Variants in APBA2 observed in about 807,000 individuals in gnomAD.
APBA2 encodes the protein amyloid-beta A4 precursor protein-binding family A member 2.
In APBA2, 30 loss-of-function variants were observed where a neutral mutation model predicts 75.0. The ratio of observed to expected loss-of-function variants is 0.40; its 90% confidence interval spans 0.30 to 0.54. The LOEUF is 0.54. APBA2 is among the 20% of genes least tolerant of loss of function. The pLI is 0.49. For synonymous variants in APBA2, 444 were observed against 409.6 expected, an observed-to-expected ratio of 1.08 and a Z score of -1.01; for missense variants, 801 against 1,016.1, an observed-to-expected ratio of 0.79 and a Z score of 2.88.
At chr15:29,009,949 G>A (rs753929919) in intron 3 of APBA2, among the ~76,000 whole-genome samples, 5 of 152,064 alleles carry the variant, frequency 3.3e-5, no homozygotes, top group African/African-American at 1.2e-4. Flanking sequence ...ACAGGGTCTG[G>A]GTATGTTTCT....
chr15:28,958,350 C>T (rs893695332), intron 2 of APBA2, among the ~76,000 whole-genome samples: 3 of 152,224 alleles, frequency 2.0e-5, no homozygotes, highest in Non-Finnish European at 2.9e-5. Context: ...GGCCCTGTGG[C>T]GTGGGAGCTG....
At chr15:29,060,602 T>C (rs2152900900) in intron 4 of APBA2, among the ~76,000 whole-genome samples, 1 of 152,200 alleles carries the variant, frequency 6.6e-6, no homozygotes, top group Admixed American at 6.5e-5. Flanking sequence ...TCTCAGTGAG[T>C]GGGATACGGT....
rs1555399868 is a variant in APBA2 at position 29,045,069 on chromosome 15, T to TTCTCTCTC, written c.-40-8749_-40-8742dup. 2.6e-3 allele frequency among the ~76,000 whole-genome samples: 215 copies of TTCTCTCTC among 82,880 alleles called. 5 individuals carry two copies. The highest frequency in any genetic ancestry group is 0.023 in the East Asian group (46 of 2,010). The allele number at this position is 82,880 out of a possible 152,430, so 54.4% of individuals were successfully genotyped here. A position where few individuals can be genotyped will look rare whatever the true frequency, so the allele number is the denominator to read the frequency against. Reference sequence around the variant, plus strand: ...CCTTCCTCTCTCCCTCCCTCCCTCCTTCTCTCTCTCTCTCTCTCTCTCTCT... The same window carrying TTCTCTCTC: ...CCTTCCTCTCTCCCTCCCTCCCTCCTTCTCTCTCTCTCTCTCTCTCTCTCTCTCTCTCT... On this transcript the variant is annotated intron_variant, in intron 3 of 14. Coordinates refer to ENST00000683413, the MANE Select transcript of APBA2 (RefSeq NM_001353788.2).
In APBA2 at chr15:28,911,726, C is replaced by T. The variant is rs189864850; in HGVS notation, c.-204-9914C>T. Among the ~76,000 whole-genome samples, 16 of 152,324 alleles carry T rather than the reference C, an allele frequency of 1.1e-4. 1 individual carries two copies. The South Asian group carries it at 3.1e-3, about 30-fold the overall frequency. On this transcript the variant is annotated intron_variant, in intron 1 of 14. Transcript: ENST00000683413. ...ACCGTGGCCTTGTAGGACAGTCCCC[C>T]CTTGGCTGTGCTGAGCCCATCTGGA...
rs752335797 is a variant in APBA2, at chr15:28,996,585, C to T, written c.-41+779C>T. Among the ~76,000 whole-genome samples, 13 of 152,164 alleles carry T rather than the reference C, an allele frequency of 8.5e-5. No individual in the cohort carries two copies. In the East Asian group the frequency reaches 1.7e-3, roughly 20 times the overall value. The stretch of plus-strand genomic sequence containing the variant: ...CTGTGGCTGGAGACACACAAGGCAG[C>T]GGCTTTGTAGGGAAACTGGTGTACA... On this transcript the variant is annotated intron_variant, in intron 3 of 14. Transcript: ENST00000683413.
At chr15:28,993,203 A>C (rs74801973) in intron 2 of APBA2, among the ~76,000 whole-genome samples, 12,173 of 152,224 alleles carry the variant, frequency 0.08, 664 homozygotes, top group East Asian at 0.27. Context: ...GCCCCCAGGG[A>C]CTTCCCGGCT....
intron 3 of APBA2, among the ~76,000 whole-genome samples, chr15:29,042,865 C>A (rs1446838485): frequency 6.6e-6 from 1 of 152,090 alleles, no homozygotes. Flanking sequence ...GTCCTGGCAG[C>A]TGCAGAAGCT....
chr15:28,999,513 T>C (rs904558613), intron 3 of APBA2, among the ~76,000 whole-genome samples: 3 of 152,214 alleles, frequency 2.0e-5, no homozygotes, highest in Admixed American at 1.3e-4. Context: ...CCATGAGATG[T>C]TGGCAAATTA....
chr15:28,977,605 T>G (rs1401862982), intron 2 of APBA2: 1 of 152,240 alleles, frequency 6.6e-6, no homozygotes, highest in Non-Finnish European at 1.5e-5. Flanking sequence ...CATGCTCAGC[T>G]GCTAGGGTGC....
rs974979436 is a variant in APBA2 at position 28,991,490 on chromosome 15, G to C, written c.-94-4263G>C. ...GCTCTGCCAGCTGCCCGGCCCCACTGTGAGGCCGCCCCTTGCAGGTGAGTT... is the reference window on the plus strand; with the variant it reads ...GCTCTGCCAGCTGCCCGGCCCCACTCTGAGGCCGCCCCTTGCAGGTGAGTT... On this transcript the variant is annotated intron_variant, in intron 2 of 14. Transcript: ENST00000683413. The surrounding 1 kb of genome is among the most constrained non-coding windows in gnomAD (Gnocchi z 4.7). 6.6e-6 allele frequency among the ~76,000 whole-genome samples: 1 copy of C among 152,200 alleles called. No individual in the cohort carries two copies. Among genetic ancestry groups the C allele is most frequent in the African/African-American group, 2.4e-5 (1 of 41,450 alleles).
chr15:28,994,672 C>G (rs2038415256), intron 2 of APBA2, among the ~76,000 whole-genome samples: 1 of 152,188 alleles, frequency 6.6e-6, no homozygotes, highest in Non-Finnish European at 1.5e-5. Flanking sequence ...AATTATAACC[C>G]TCTGCTAGGG....
chr15:28,902,817 C>A (rs1460321768), intron 1 of APBA2, among the ~76,000 whole-genome samples: 1 of 152,160 alleles, frequency 6.6e-6, no homozygotes, highest in Non-Finnish European at 1.5e-5. Context: ...CCTCACTGTT[C>A]CCCCATCTGT....
intron 2 of APBA2, among the ~76,000 whole-genome samples, chr15:28,948,751 G>A (rs755446228): frequency 4.6e-5 from 7 of 152,182 alleles, no homozygotes; most frequent in Non-Finnish European, 8.8e-5. Flanking sequence ...TTAGGGCCTT[G>A]CGGCGGCATC....
chr15:28,942,385 G>T (rs1010880896), intron 2 of APBA2, among the ~76,000 whole-genome samples: 2 of 152,196 alleles, frequency 1.3e-5, no homozygotes, highest in Admixed American at 1.3e-4. Context: ...GAGTTCTGTT[G>T]TTGGCTGTGA....
chr15:29,013,413 G>C (rs1294557690), intron 3 of APBA2, among the ~76,000 whole-genome samples: 1 of 151,774 alleles, frequency 6.6e-6, no homozygotes, highest in Non-Finnish European at 1.5e-5. Context: ...CCAAGTAGCT[G>C]GGACTACAGG....
At chr15:29,112,453 T>G (rs935741165) in intron 13 of APBA2, among the ~76,000 whole-genome samples, 1 of 152,196 alleles carries the variant, frequency 6.6e-6, no homozygotes, top group African/African-American at 2.4e-5. Context: ...TGTGTCTGCA[T>G]GTGTGTGTAC....
intron 2 of APBA2, among the ~76,000 whole-genome samples, chr15:28,955,332 C>T (rs1218732858): frequency 1.3e-5 from 2 of 152,102 alleles, no homozygotes; most frequent in Admixed American, 1.3e-4. Flanking sequence ...GCTTTCTCAA[C>T]CGTACTTCCT....
chr15:28,898,471 C>A, intron 1 of APBA2, among the ~76,000 whole-genome samples: 1 of 152,132 alleles, frequency 6.6e-6, no homozygotes, highest in East Asian at 1.9e-4. Flanking sequence ...GAGCAAAAAA[C>A]CCCAGATGCT....
intron 3 of APBA2, among the ~76,000 whole-genome samples, chr15:29,030,729 ATG>A (rs60048817): frequency 0.02 from 2,308 of 112,722 alleles, 19 homozygotes; most frequent in African/African-American, 0.042. Context: ...CCATGTGAGT[ATG>A]TGTGTGTGTG....
Sources: allele counts gnomAD v4.1 joint callset (sites outside exome capture counted in the v4.1 genomes callset), GRCh38; gene constraint gnomAD v4.1.1; non-coding constraint Gnocchi (gnomAD v3.1); transcripts MANE v1.5; gene names NCBI Gene and HGNC (gene_info 2026-07-23, HGNC 2026-07-21).